Variants in NARS2 observed in about 807,000 individuals in gnomAD.
NARS2 encodes the protein asparaginyl-tRNA synthetase.
Under a neutral mutation model 62.9 loss-of-function variants are expected in NARS2, and 60 were observed. That is an observed-to-expected ratio of 0.95 (90% CI 0.77 to 1.18). NARS2 has a LOEUF of 1.18. Ranked by LOEUF, NARS2 falls within the 50% of genes most tolerant of loss-of-function variation. The probability of loss-of-function intolerance (pLI) is 0.00; values close to 1 mark genes in which losing one functional copy is unlikely to be tolerated. For synonymous variants in NARS2, 196 were observed against 200.0 expected (o/e 0.98, Z 0.17); for missense variants, 619 against 576.4 (o/e 1.07, Z -0.76).
intron 6 of NARS2, among the ~76,000 whole-genome samples, chr11:78,528,402 A>T (rs1229606516): frequency 6.6e-6 from 1 of 152,210 alleles, no homozygotes; most frequent in South Asian, 2.1e-4. Flanking sequence ...GACTTAAAAG[A>T]TGTAATTTGC....
chr11:78,514,045 GACACT>G (rs1342126122), intron 6 of NARS2, among the ~76,000 whole-genome samples: 1 of 152,164 alleles, frequency 6.6e-6, no homozygotes, highest in Non-Finnish European at 1.5e-5. Context: ...ACGAGAAGCA[GACACT>G]ACTATGCTTC....
In NARS2 at chr11:78,459,724, G is replaced by A. The variant is rs541558637; in HGVS notation, c.1164+6152C>T. On this transcript the variant is annotated intron_variant, in intron 11 of 13. Transcript: ENST00000281038. ...TCCATTAAACCTCTTCTTCTTTCCC[G>A]TCTTGGGTATGTCTTTATCAGCAGC... Among the ~76,000 whole-genome samples the A allele has an allele frequency of 7.2e-5, 11 of 152,248 alleles. No homozygotes were observed. In the East Asian group the frequency reaches 7.7e-4, roughly 11 times the overall value.
rs766216521 is a variant in NARS2 at position 78,574,625 on chromosome 11, T to C, written c.-137A>G. ...CTAAGGCACTCCAGAGCCCCTCGGC[T>C]GCGCGCTTTCTCCTTCAGGACTCCC... is the stretch of plus-strand genomic sequence containing the variant. On this transcript the variant is annotated 5_prime_UTR_variant, in exon 1 of 14. Coordinates refer to ENST00000281038, the MANE Select transcript of NARS2 (RefSeq NM_024678.6). 89 of 964,034 alleles carry C rather than the reference T, an allele frequency of 9.2e-5. No individual in the cohort carries two copies. Among genetic ancestry groups the C allele is most frequent in the Non-Finnish European group, 1.2e-4 (81 of 670,642 alleles). The allele number at this position is 964,034 out of a possible 1,614,324, so 59.7% of individuals were successfully genotyped here. A position where few individuals can be genotyped will look rare whatever the true frequency, so the allele number is the denominator to read the frequency against.
At chr11:78,505,340 CTT>C (rs1467841669) in intron 6 of NARS2, among the ~76,000 whole-genome samples, 1 of 147,674 alleles carries the variant, frequency 6.8e-6, no homozygotes, top group Non-Finnish European at 1.5e-5. Flanking sequence ...ATGTATATAT[CTT>C]ATGTTAAAAG....
chr11:78,572,023 A>G (rs1856943784), intron 1 of NARS2, among the ~76,000 whole-genome samples: 1 of 151,968 alleles, frequency 6.6e-6, no homozygotes, highest in African/African-American at 2.4e-5. Context: ...CTCTACCGAA[A>G]ATACAAAAAT....
At chr11:78,536,294 C>T (rs935722315) in intron 5 of NARS2, among the ~76,000 whole-genome samples, 3 of 152,040 alleles carry the variant, frequency 2.0e-5, no homozygotes, top group Non-Finnish European at 2.9e-5. Context: ...GAGTGTACTC[C>T]TACTTATTAA....
rs145859606 is a variant in NARS2, at chr11:78,564,678, A to C, written c.513+1454T>G. ...AGCTGTTGAAGCCATGTGGTTAAAA[A>C]ACAAAAAGGTATTTTTACAATTGTG... On this transcript the variant is annotated intron_variant, in intron 4 of 13. Transcript: ENST00000281038. Among the ~76,000 whole-genome samples the C allele has an allele frequency of 2.0e-3, 312 of 152,356 alleles. 2 individuals carry two copies. The highest frequency in any genetic ancestry group is 6.9e-3 in the African/African-American group (285 of 41,584).
intron 4 of NARS2, among the ~76,000 whole-genome samples, chr11:78,561,705 GA>G (rs1330353700): frequency 6.6e-6 from 1 of 152,142 alleles, no homozygotes; most frequent in Non-Finnish European, 1.5e-5. Flanking sequence ...AACGTGAAAG[GA>G]ATTGCTAGCC....
intron 5 of NARS2, among the ~76,000 whole-genome samples, chr11:78,554,449 A>T (rs192753941): frequency 1.3e-5 from 2 of 151,118 alleles, no homozygotes; most frequent in African/African-American, 4.9e-5. Context: ...GCAGTGTTTT[A>T]TAATTCTCAT....
intron 7 of NARS2, among the ~76,000 whole-genome samples, chr11:78,482,963 T>A (rs1487079762): frequency 6.6e-6 from 1 of 152,166 alleles, no homozygotes; most frequent in African/African-American, 2.4e-5. Flanking sequence ...CCAATATCCC[T>A]GATGAACATC....
intron 9 of NARS2, among the ~76,000 whole-genome samples, chr11:78,474,827 C>T (rs559085393): frequency 5.3e-5 from 8 of 152,138 alleles, no homozygotes; most frequent in African/African-American, 1.7e-4. Context: ...TATGTATTTA[C>T]AGGATACAAT....
intron 9 of NARS2, 53 bp downstream of exon 9, chr11:78,478,385 G>A: frequency 1.3e-6 from 1 of 781,452 alleles, no homozygotes; most frequent in East Asian, 3.2e-5. Context: ...ATAATATAGT[G>A]TGATAAATAC....
chr11:78,524,475 C>A (rs933495851), intron 6 of NARS2, among the ~76,000 whole-genome samples: 4 of 152,168 alleles, frequency 2.6e-5, no homozygotes, highest in East Asian at 1.9e-4. Flanking sequence ...AAGAAGGAAA[C>A]AAATCCCTCT....
intron 4 of NARS2, among the ~76,000 whole-genome samples, chr11:78,563,851 A>ATATATAT (rs1555044245): frequency 2.9e-5 from 1 of 34,018 alleles, no homozygotes; most frequent in African/African-American, 9.4e-5. Context: ...AAAAAAAAAA[A>ATATATAT]ATATATATAT....
chr11:78,533,479 ATG>A (rs1206083198), intron 5 of NARS2, among the ~76,000 whole-genome samples: 2 of 152,196 alleles, frequency 1.3e-5, no homozygotes, highest in African/African-American at 4.8e-5. Flanking sequence ...GAGGAAGTGA[ATG>A]TCTACAGCTT....
At chr11:78,494,435 A>G (rs1859967331) in intron 6 of NARS2, among the ~76,000 whole-genome samples, 1 of 150,000 alleles carries the variant, frequency 6.7e-6, no homozygotes, top group Admixed American at 6.6e-5. Flanking sequence ...TAGAAAATAG[A>G]TGGATTTTGT....
intron 7 of NARS2, among the ~76,000 whole-genome samples, chr11:78,490,462 G>C (rs1235814577): frequency 6.6e-6 from 1 of 152,136 alleles, no homozygotes; most frequent in Non-Finnish European, 1.5e-5. Context: ...TAAGAAACTA[G>C]CCTAAAAATC....
At chr11:78,506,160 T>C (rs935410469) in intron 6 of NARS2, among the ~76,000 whole-genome samples, 1 of 152,216 alleles carries the variant, frequency 6.6e-6, no homozygotes, top group Non-Finnish European at 1.5e-5. Flanking sequence ...ACATATCCTA[T>C]ACTCACTAGA....
chr11:78,470,135 G>C (rs1428070961), intron 9 of NARS2, among the ~76,000 whole-genome samples: 2 of 152,174 alleles, frequency 1.3e-5, no homozygotes, highest in Non-Finnish European at 2.9e-5. Flanking sequence ...GCAGTCAGAA[G>C]TCAGATCACA....
Sources: allele counts gnomAD v4.1 joint callset (sites outside exome capture counted in the v4.1 genomes callset), GRCh38; gene constraint gnomAD v4.1.1; transcripts MANE v1.5; gene names NCBI Gene and HGNC (gene_info 2026-07-23, HGNC 2026-07-21).